The following NTAQ1 variants were observed in gnomAD, a reference collection of about 807,000 sequenced individuals.
NTAQ1 encodes the protein protein N-terminal glutamine amidohydrolase.
NTAQ1 carries 21 observed loss-of-function variants against 28.2 expected under a neutral mutation model. That is an observed-to-expected ratio of 0.74 (90% CI 0.53 to 1.07). The LOEUF (loss-of-function observed/expected upper bound fraction) is 1.07. Ranked by LOEUF, NTAQ1 falls within the 50% of genes least tolerant of loss-of-function variation. The probability of loss-of-function intolerance (pLI) is 0.00; values close to 1 mark genes in which losing one functional copy is unlikely to be tolerated. For missense variants in NTAQ1, 264 were observed against 256.6 expected (o/e 1.03, Z -0.20); for synonymous variants, 105 against 90.0 (o/e 1.17, Z -0.94).
chr8:123,440,145 CCTTTTTTTT>C (rs2130322932), intron 5 of NTAQ1, among the ~76,000 whole-genome samples: 1 of 85,086 alleles, frequency 1.2e-5, no homozygotes, highest in Non-Finnish European at 2.3e-5. Flanking sequence ...AGGATTAACT[CCTTTTTTTT>C]TTTTTTTTTT....
chr8:123,444,500 G>A (rs562317196), downstream of NTAQ1, among the ~76,000 whole-genome samples: 1 of 151,558 alleles, frequency 6.6e-6, no homozygotes, highest in Non-Finnish European at 1.5e-5. Flanking sequence ...GTGCCTGGCT[G>A]ACTAAAGCAA....
chr8:123,421,311 C>T (rs1039860243), intron 1 of NTAQ1, among the ~76,000 whole-genome samples: 2 of 151,782 alleles, frequency 1.3e-5, no homozygotes, highest in Admixed American at 1.3e-4. Context: ...AACTTTTGGG[C>T]TCAAGCAGTC....
intron 5 of NTAQ1, among the ~76,000 whole-genome samples, chr8:123,439,825 A>C (rs996700723): frequency 9.3e-5 from 14 of 150,614 alleles, no homozygotes; most frequent in African/African-American, 3.2e-4. Flanking sequence ...GTGGTGGTGC[A>C]CGCCTGTAAT....
chr8:123,441,406 A>G lies in NTAQ1; in HGVS notation c.609A>G (p.Lys203=). The G allele has an allele frequency of 6.2e-7, 1 of 1,606,250 alleles. No individual in the cohort carries two copies. Among genetic ancestry groups the G allele is most frequent in the Non-Finnish European group, 8.5e-7 (1 of 1,176,100 alleles). The part of the protein sequence containing the change: ...LSEFTHRFGS[K]NC Reference sequence around the variant, plus strand: ...AATTTACACATCGGTTTGGCAGTAAAAACTGCTGAACTTGGTCTCAAGATG... The same window carrying G: ...AATTTACACATCGGTTTGGCAGTAAGAACTGCTGAACTTGGTCTCAAGATG... Residue 203 remains lysine (K), a synonymous_variant, in exon 6 of 6, where the codon AAA becomes AAG. Transcript: ENST00000287387.
chr8:123,470,208 C>A (rs1018795384), downstream of NTAQ1, among the ~76,000 whole-genome samples: 3 of 152,148 alleles, frequency 2.0e-5, no homozygotes, highest in Non-Finnish European at 1.5e-5. Context: ...GGCTTCAGAG[C>A]TGGGATTCCT....
chr8:123,425,955 T>C (rs1814027083), intron 1 of NTAQ1, among the ~76,000 whole-genome samples: 1 of 151,944 alleles, frequency 6.6e-6, no homozygotes, highest in South Asian at 2.1e-4. Context: ...ATCCAGGAGG[T>C]GGAGGTTGTA....
intron 1 of NTAQ1, among the ~76,000 whole-genome samples, chr8:123,425,292 A>C (rs1273998358): frequency 6.6e-6 from 1 of 151,798 alleles, no homozygotes; most frequent in Admixed American, 6.6e-5. Flanking sequence ...GAGTTTCACC[A>C]TATTGGCCAG....
chr8:123,434,707 G>T (rs1814599300), intron 3 of NTAQ1, among the ~76,000 whole-genome samples: 1 of 152,120 alleles, frequency 6.6e-6, no homozygotes, highest in African/African-American at 2.4e-5. Context: ...GGAGATTCTG[G>T]CAGGGGGTGG....
chr8:123,464,568 C>T (rs1815917164), intron 6 of NTAQ1, among the ~76,000 whole-genome samples: 1 of 152,180 alleles, frequency 6.6e-6, no homozygotes, highest in South Asian at 2.1e-4. Flanking sequence ...GTGCTACCAC[C>T]TTCACCTCAA....
downstream of NTAQ1, among the ~76,000 whole-genome samples, chr8:123,446,619 T>A (rs1360744758): frequency 1.3e-5 from 2 of 152,198 alleles, no homozygotes; most frequent in African/African-American, 4.8e-5. Flanking sequence ...ACTGTGTCTG[T>A]GTTGTTTTAT....
downstream of NTAQ1, among the ~76,000 whole-genome samples, chr8:123,449,900 C>CTCTCTCTCTCTCTCT (rs1815424952): frequency 1.3e-5 from 1 of 75,482 alleles, no homozygotes; most frequent in African/African-American, 6.0e-5. Flanking sequence ...TCTATCTCTC[C>CTCTCTCTCTCTCTCT]ATATGTATAT....
In NTAQ1 at chr8:123,427,917, A is replaced by G. The variant is rs779454237; in HGVS notation, c.84-7A>G. On this transcript the variant is annotated splice_polypyrimidine_tract_variant and splice_region_variant and intron_variant, in intron 1 of 5. Transcript: ENST00000287387. ...CTAATCTTGATTAAACAATTATTTT[A>G]TTTCAGTGAAGAAAATATTTGGAAG... The G allele has an allele frequency of 6.4e-7, 1 of 1,573,340 alleles. No homozygotes were observed. Among genetic ancestry groups the G allele is most frequent in the South Asian group, 1.2e-5 (1 of 86,192 alleles).
chr8:123,421,694 C>CTTT lies in NTAQ1; in HGVS notation c.83+4772_83+4774dup, dbSNP rs71310678. On this transcript the variant is annotated intron_variant, in intron 1 of 5. Coordinates refer to ENST00000287387, the MANE Select transcript of NTAQ1 (RefSeq NM_018024.3). ...CAGCTAAGTTTTGTATTTTTCTTTT[C>CTTT]TTTTTTTTTTTTGAGACGGAGTCTT... 5.2e-4 allele frequency among the ~76,000 whole-genome samples: 71 copies of CTTT among 135,860 alleles called. 1 individual carries two copies. Among genetic ancestry groups the CTTT allele is most frequent in the South Asian group, 2.3e-3 (10 of 4,308 alleles). 89.1% of individuals were successfully genotyped at this position (135,860 alleles called of 152,430 possible).
intron 3 of NTAQ1, among the ~76,000 whole-genome samples, chr8:123,431,540 A>G (rs1399255516): frequency 6.6e-6 from 1 of 152,146 alleles, no homozygotes; most frequent in African/African-American, 2.4e-5. Context: ...ACAGATTAAA[A>G]TCCCTGACCT....
At chr8:123,451,632 C>G (rs1437078901), downstream of NTAQ1, among the ~76,000 whole-genome samples, 1 of 152,234 alleles carries the variant, frequency 6.6e-6, no homozygotes, top group Non-Finnish European at 1.5e-5. Flanking sequence ...AGCCACCACA[C>G]CTGGTCTAAA....
intron 1 of NTAQ1, among the ~76,000 whole-genome samples, 160 bp from the exon 2 acceptor site, chr8:123,427,764 T>C (rs1281928081): frequency 6.6e-6 from 1 of 152,180 alleles, no homozygotes; most frequent in Non-Finnish European, 1.5e-5. Flanking sequence ...TACCAGCTTG[T>C]TGGGATGTTT....
upstream of NTAQ1, chr8:123,416,767 G>A (rs1284570734): frequency 7.9e-7 from 1 of 1,265,154 alleles, no homozygotes; most frequent in East Asian, 3.5e-5. Context: ...GGGAACCCAC[G>A]CGGGCCACTA....
At chr8:123,428,579 T>G (rs1441284989) in intron 2 of NTAQ1, among the ~76,000 whole-genome samples, 1 of 63,504 alleles carries the variant, frequency 1.6e-5, no homozygotes, top group African/African-American at 5.3e-5. Context: ...TGTAGACCTG[T>G]TTTTTTTTGT....
intron 6 of NTAQ1, among the ~76,000 whole-genome samples, chr8:123,465,844 A>C (rs1413689060): frequency 1.3e-5 from 2 of 151,974 alleles, no homozygotes; most frequent in African/African-American, 4.8e-5. Flanking sequence ...CGGCCTCCCA[A>C]AGTGTTGGGA....
Sources: gnomAD v4.1 joint callset for allele counts (sites outside exome capture counted in the v4.1 genomes callset) on GRCh38, gnomAD v4.1.1 for gene constraint, MANE v1.5 for transcripts, NCBI Gene and HGNC (gene_info 2026-07-23, HGNC 2026-07-21) for gene names.